SPANXN2: variants seen among roughly 807,000 people sequenced by gnomAD.
SPANXN2 encodes the protein sperm protein associated with the nucleus on the X chromosome N2.
In SPANXN2, 1 loss-of-function variant was observed where a neutral mutation model predicts 2.0. The observed-to-expected ratio is 0.50, with a 90% CI of 0.18 to 2.36. The LOEUF (loss-of-function observed/expected upper bound fraction) is 2.36. SPANXN2 is among the 30% of genes most tolerant of loss of function. The pLI is 0.26. For synonymous variants in SPANXN2, 43 were observed against 49.8 expected (o/e 0.86, Z 0.58); for missense variants, 88 against 116.7 (o/e 0.75, Z 1.13).
chrX:143,718,846 C>A (rs142760547), intron 1 of SPANXN2, among the ~76,000 whole-genome samples: 1,122 of 111,205 alleles, frequency 0.01, 6 homozygotes, highest in Non-Finnish European at 0.017. Flanking sequence ...CCTCTTTCTC[C>A]TTTTGTCCTC....
intron 1 of SPANXN2, among the ~76,000 whole-genome samples, chrX:143,712,711 C>T (rs1569482276): frequency 1.8e-5 from 2 of 111,071 alleles, no homozygotes; most frequent in African/African-American, 3.3e-5. Flanking sequence ...TGCACGATTT[C>T]GCAAGTTCTT....
chrX:143,720,251 C>A (rs1297557231), intron 1 of SPANXN2, among the ~76,000 whole-genome samples: 1 of 110,911 alleles, frequency 9.0e-6, no homozygotes, highest in East Asian at 2.9e-4. Flanking sequence ...CGTCGTAACA[C>A]AAGGCGGACA....
Position 143,719,786 on chromosome X carries a change from A to G in SPANXN2, c.78+805T>C, listed in dbSNP as rs782695751. ...GTACATCTCATTCTAGTGTTAGCAGAACTAAACATCTCTGATGCACTCAGC... is the reference window on the plus strand; with the variant it reads ...GTACATCTCATTCTAGTGTTAGCAGGACTAAACATCTCTGATGCACTCAGC... On this transcript the variant is annotated intron_variant, in intron 1 of 1. Transcript: ENST00000598475. Among the ~76,000 whole-genome samples the G allele has an allele frequency of 8.1e-5, 9 of 110,773 alleles. No individual in the cohort carries two copies. The South Asian group carries it at 3.5e-3, about 43-fold the overall frequency.
At chrX:143,719,792 A>G (rs851098) in intron 1 of SPANXN2, among the ~76,000 whole-genome samples, 43,725 of 109,180 alleles carry the variant, frequency 0.4, 7,125 homozygotes, top group East Asian at 0.52. Context: ...GCAGAACTAA[A>G]CATCTCTGAT....
intron 1 of SPANXN2, among the ~76,000 whole-genome samples, chrX:143,715,568 C>G (rs1556449500): frequency 1.9e-5 from 2 of 107,682 alleles, no homozygotes; most frequent in Admixed American, 2.0e-4. Flanking sequence ...GTTTCTAAAC[C>G]CACAATAGCC....
At chrX:143,717,596 T>TA (rs782708425) in intron 1 of SPANXN2, among the ~76,000 whole-genome samples, 32 of 112,404 alleles carry the variant, frequency 2.8e-4, no homozygotes, top group Non-Finnish European at 7.5e-5. Flanking sequence ...TGCCCAAGTT[T>TA]AAAAAACCTT....
rs781805611 is a variant in SPANXN2 at position 143,718,209 on chromosome X, C to T, written c.78+2382G>A. Among the ~76,000 whole-genome samples the T allele has an allele frequency of 6.3e-5, 7 of 111,983 alleles. No homozygotes were observed. The Admixed American group carries it at 6.6e-4, about 11-fold the overall frequency. On this transcript the variant is annotated intron_variant, in intron 1 of 1. Transcript: ENST00000598475. ...GATTATGAGTCATTTCCTAAAAGCGCTCAGCCTAAGCCCATTTAAATTCAT... is the reference window on the plus strand; with the variant it reads ...GATTATGAGTCATTTCCTAAAAGCGTTCAGCCTAAGCCCATTTAAATTCAT...
At chrX:143,716,501 A>C (rs1305982454) in intron 1 of SPANXN2, among the ~76,000 whole-genome samples, 1 of 111,170 alleles carries the variant, frequency 9.0e-6, no homozygotes, top group Non-Finnish European at 1.9e-5. Flanking sequence ...CATCAACTCC[A>C]ACTTAAAAAC....
At position 143,720,582 on chromosome X, in the gene SPANXN2, C is replaced by A. The variant is rs782248230; in HGVS notation, c.78+9G>T. The A allele has an allele frequency of 1.7e-6, 2 of 1,209,006 alleles. No individual in the cohort carries two copies. Among genetic ancestry groups the A allele is most frequent in the Admixed American group, 4.4e-5 (2 of 45,862 alleles). On this transcript the variant is annotated intron_variant, in intron 1 of 1. Transcript: ENST00000598475. ...CCCTCACCTTCCCTTCAAAACCTAA[C>A]AATCTTACCTCATCATTTTTTTTGT...
rs782616722 is a variant in SPANXN2, at chrX:143,717,409, C to A, written c.78+3182G>T. 1.1e-3 allele frequency among the ~76,000 whole-genome samples: 121 copies of A among 111,627 alleles called. 2 individuals carry two copies. Among genetic ancestry groups the A allele is most frequent in the African/African-American group, 3.8e-3 (117 of 30,663 alleles). On this transcript the variant is annotated intron_variant, in intron 1 of 1. Coordinates refer to ENST00000598475, the Ensembl canonical transcript of SPANXN2. ...CACCGAAAGGCTACAGATGCCAAAACCGAGAAAAACCTTTCAACAAATTCG... is the reference window on the plus strand; with the variant it reads ...CACCGAAAGGCTACAGATGCCAAAAACGAGAAAAACCTTTCAACAAATTCG...
At chrX:143,718,115 A>G (rs782480043) in intron 1 of SPANXN2, among the ~76,000 whole-genome samples, 1 of 111,442 alleles carries the variant, frequency 9.0e-6, no homozygotes, top group Non-Finnish European at 1.9e-5. Flanking sequence ...TATAAAAAAC[A>G]ACAACTAACC....
intron 1 of SPANXN2, among the ~76,000 whole-genome samples, chrX:143,715,629 T>A (rs1287815753): frequency 9.5e-6 from 1 of 105,484 alleles, no homozygotes; most frequent in Non-Finnish European, 2.0e-5. Context: ...CCATTTTCCT[T>A]CATCAGTCTC....
At chrX:143,712,065 T>C in exon 2 of SPANXN2, 1 of 1,212,475 alleles carries the variant, frequency 8.2e-7, no homozygotes, top group Non-Finnish European at 1.1e-6. Context: ...GTGAAGATCC[T>C]TCAGATGAGT....
At chrX:143,720,480 T>C (rs1478332700) in intron 1 of SPANXN2, 111 bp downstream of exon 1, 5 of 863,492 alleles carry the variant, frequency 5.8e-6, no homozygotes, top group Non-Finnish European at 8.0e-6. Flanking sequence ...ATTAAGCGGG[T>C]CCCCCACTTC....
chrX:143,716,183 C>T (rs1390879803), intron 1 of SPANXN2, among the ~76,000 whole-genome samples: 1 of 110,934 alleles, frequency 9.0e-6, no homozygotes, highest in East Asian at 2.8e-4. Context: ...CCATTCAACA[C>T]ACCACTCAGG....
chrX:143,715,130 C>A (rs1932236258), intron 1 of SPANXN2, among the ~76,000 whole-genome samples: 1 of 111,370 alleles, frequency 9.0e-6, no homozygotes, highest in African/African-American at 3.3e-5. Context: ...GCCTGGAGTC[C>A]ACCGCCCCTA....
At chrX:143,720,482 C>A in intron 1 of SPANXN2, 109 bp downstream of exon 1, 1 of 892,308 alleles carries the variant, frequency 1.1e-6, no homozygotes, top group Non-Finnish European at 1.5e-6. Flanking sequence ...TAAGCGGGTC[C>A]CCCACTTCCA....
chrX:143,716,157 C>G (rs1302426209), intron 1 of SPANXN2, among the ~76,000 whole-genome samples: 1 of 110,815 alleles, frequency 9.0e-6, no homozygotes, highest in African/African-American at 3.3e-5. Context: ...TCTCTGTAGC[C>G]CCTTTCTTAA....
At chrX:143,716,511 CTTAAAAAT>C (rs1409211455) in intron 1 of SPANXN2, among the ~76,000 whole-genome samples, 2 of 111,696 alleles carry the variant, frequency 1.8e-5, no homozygotes, top group Non-Finnish European at 3.8e-5. Flanking sequence ...AACTTAAAAA[CTTAAAAAT>C]GCCCTTTTAA....
Sources: gnomAD v4.1 joint callset for allele counts (sites outside exome capture counted in the v4.1 genomes callset) on GRCh38, gnomAD v4.1.1 for gene constraint, MANE v1.5 for transcripts, NCBI Gene and HGNC (gene_info 2026-07-23, HGNC 2026-07-21) for gene names.